The following CYP4F22 variants were observed in gnomAD, a reference collection of about 807,000 sequenced individuals.
The protein encoded by CYP4F22 is ultra-long-chain fatty acid omega-hydroxylase.
Under a neutral mutation model 60.4 loss-of-function variants are expected in CYP4F22, and 37 were observed. The observed-to-expected ratio is 0.61, with a 90% CI of 0.47 to 0.81. The LOEUF is 0.81. Among genes scored for constraint, CYP4F22 ranks in the 30% least tolerant of loss-of-function variants. The probability of loss-of-function intolerance (pLI) is 0.00; values close to 1 mark genes in which losing one functional copy is unlikely to be tolerated. For missense variants in CYP4F22, 655 were observed against 715.0 expected (o/e 0.92, Z 0.96); for synonymous variants, 258 against 280.5 (o/e 0.92, Z 0.80).
At chr19:15,513,748 C>G (rs1178153514) in intron 1 of CYP4F22, among the ~76,000 whole-genome samples, 1 of 152,086 alleles carries the variant, frequency 6.6e-6, no homozygotes, top group Non-Finnish European at 1.5e-5. Context: ...CAATCCGCAC[C>G]CCCCTCGGTC....
intron 1 of CYP4F22, among the ~76,000 whole-genome samples, chr19:15,517,876 T>C (rs1599789641): frequency 6.6e-6 from 1 of 151,868 alleles, no homozygotes; most frequent in East Asian, 1.9e-4. Flanking sequence ...GGAATGTGGA[T>C]GGAGGGAACA....
At chr19:15,522,358 C>G (rs537012326) in intron 1 of CYP4F22, among the ~76,000 whole-genome samples, 5 of 152,134 alleles carry the variant, frequency 3.3e-5, no homozygotes, top group African/African-American at 1.2e-4. Context: ...GCTGTTTTCC[C>G]AGGAAGTGTT....
intron 8 of CYP4F22, 62 bp from the exon 9 acceptor site, chr19:15,543,909 G>T: frequency 1.3e-6 from 2 of 1,568,470 alleles, no homozygotes; most frequent in South Asian, 1.1e-5. Flanking sequence ...GAGTTTTGAG[G>T]AGCCCCTAGG....
intron 10 of CYP4F22, among the ~76,000 whole-genome samples, chr19:15,546,770 A>G (rs926298959): frequency 5.9e-5 from 9 of 151,578 alleles, no homozygotes; most frequent in Non-Finnish European, 1.2e-4. Context: ...TTTTTTTGAG[A>G]TAGGCTCTCA....
chr19:15,509,793 G>A (rs1971061306), intron 1 of CYP4F22, among the ~76,000 whole-genome samples: 1 of 152,058 alleles, frequency 6.6e-6, no homozygotes, highest in Admixed American at 6.6e-5. Flanking sequence ...CGGTGACCCA[G>A]GTTGGTATCT....
intron 8 of CYP4F22, 138 bp downstream of exon 8, chr19:15,540,855 C>CT: frequency 9.1e-7 from 1 of 1,094,788 alleles, no homozygotes; most frequent in Non-Finnish European, 1.3e-6. Context: ...GAGGCCAAGG[C>CT]GGGAGGATCG....
At position 15,537,490 on chromosome 19, in the gene CYP4F22, T is replaced by A. The variant is rs368139333; in HGVS notation, c.422-45T>A. 240 of 1,614,076 alleles carry A rather than the reference T, an allele frequency of 1.5e-4. No homozygotes were observed. In the African/African-American group the frequency reaches 3.0e-3, roughly 20 times the overall value. On this transcript the variant is annotated intron_variant, in intron 5 of 13. Coordinates refer to ENST00000269703, the MANE Select transcript of CYP4F22 (RefSeq NM_173483.4). ...AGAGCATGGGGTTCCTTGGAAGGTT[T>A]CAGAGTAACAGGAGAGGTCCCTAAC...
At chr19:15,550,008 A>C (rs1971576440) in intron 12 of CYP4F22, among the ~76,000 whole-genome samples, 1 of 152,034 alleles carries the variant, frequency 6.6e-6, no homozygotes, top group African/African-American at 2.4e-5. Flanking sequence ...GGCTCACTGC[A>C]ACTTCTACCT....
intron 4 of CYP4F22, among the ~76,000 whole-genome samples, chr19:15,536,736 A>G (rs1185920168): frequency 2.0e-5 from 3 of 152,186 alleles, no homozygotes; most frequent in Non-Finnish European, 4.4e-5. Flanking sequence ...GAATAGGGTT[A>G]TCTGGTGTAT....
At chr19:15,513,579 TG>T (rs1971120041) in intron 1 of CYP4F22, among the ~76,000 whole-genome samples, 1 of 151,944 alleles carries the variant, frequency 6.6e-6, no homozygotes. Flanking sequence ...TTAGCTAGGA[TG>T]GTCTCGATCT....
Position 15,540,507 on chromosome 19 carries a change from C to T in CYP4F22, c.729C>T (p.Arg243=), listed in dbSNP as rs1971445553. 6.2e-7 allele frequency: 1 copy of T among 1,614,202 alleles called. No homozygotes were observed. The highest frequency in any genetic ancestry group is 2.2e-5 in the East Asian group (1 of 44,882). The change falls in exon 8 of 14, where the codon CGC becomes CGT. Residue 243 remains arginine (R), a synonymous_variant. Transcript: ENST00000269703. The part of the protein sequence containing the change: ...IIELSALSVR[R]QYRLHHYLDF... Reference sequence around the variant, plus strand: ...AACTGAGCGCTCTGTCTGTCCGGCGCCAGTATCGCTTGCACCACTACCTCG... The same window carrying T: ...AACTGAGCGCTCTGTCTGTCCGGCGTCAGTATCGCTTGCACCACTACCTCG...
intron 1 of CYP4F22, among the ~76,000 whole-genome samples, chr19:15,520,009 CTG>C (rs910716693): frequency 1.8e-4 from 28 of 152,132 alleles, no homozygotes; most frequent in African/African-American, 5.3e-4. Flanking sequence ...ATGTTTGTGT[CTG>C]TGTGTGTGTG....
At chr19:15,540,822 C>A in intron 8 of CYP4F22, 105 bp downstream of exon 8, 1 of 1,428,828 alleles carries the variant, frequency 7.0e-7, no homozygotes, top group Non-Finnish European at 9.7e-7. Flanking sequence ...TGGTGGCTCA[C>A]ACGTGTAATC....
At chr19:15,542,186 C>T (rs1259033340) in intron 8 of CYP4F22, among the ~76,000 whole-genome samples, 1 of 152,014 alleles carries the variant, frequency 6.6e-6, no homozygotes, top group Non-Finnish European at 1.5e-5. Context: ...ACTTTCTGTC[C>T]CTCTTTACAT....
At chr19:15,545,648 C>CA (rs1217096575) in intron 10 of CYP4F22, among the ~76,000 whole-genome samples, 919 of 38,674 alleles carry the variant, frequency 0.024, 49 homozygotes, top group African/African-American at 0.044. Flanking sequence ...GACCCTGTCT[C>CA]AAAAAAAAAA....
In CYP4F22 at chr19:15,549,180, C is replaced by T. The variant is rs762055044; in HGVS notation, c.1313C>T (p.Pro438Leu). ...AGCATCTATGGAACCCACCACAACCCCACAGTGTGGCCTGACTCCAAGGTG... is the reference window on the plus strand; with the variant it reads ...AGCATCTATGGAACCCACCACAACCTCACAGTGTGGCCTGACTCCAAGGTG... ...LVSIYGTHHN[P>L]TVWPDSKVYN... Residue 438 changes from proline (P) to leucine (L), a missense_variant, in exon 12 of 14, where the codon CCC (proline) becomes CTC (leucine). Around this residue, in one of 3 missense-constraint regions of CYP4F22, gnomAD observed 151 missense variants for 139.4 expected, o/e 1.08. Coordinates refer to ENST00000269703, the MANE Select transcript of CYP4F22 (RefSeq NM_173483.4). 6.2e-7 allele frequency: 1 copy of T among 1,614,050 alleles called. No individual in the cohort carries two copies. The highest frequency in any genetic ancestry group is 2.2e-5 in the East Asian group (1 of 44,850).
chr19:15,515,336 A>G, intron 1 of CYP4F22: 1 of 1,187,442 alleles, frequency 8.4e-7, no homozygotes, highest in Non-Finnish European at 1.2e-6. Context: ...TGGCCAGAAA[A>G]GGTTCAGCAC....
chr19:15,544,378 A>C, intron 10 of CYP4F22, 99 bp downstream of exon 10: 1 of 1,412,502 alleles, frequency 7.1e-7, no homozygotes, highest in Non-Finnish European at 9.7e-7. Context: ...ACCTCAGACA[A>C]GCCACTTTAG....
chr19:15,509,044 C>T (rs1214565868), intron 1 of CYP4F22, among the ~76,000 whole-genome samples: 1 of 152,076 alleles, frequency 6.6e-6, no homozygotes, highest in African/African-American at 2.4e-5. Context: ...GTAGTACATT[C>T]AACCGATGGG....
Sources: gnomAD v4.1 joint callset for allele counts (sites outside exome capture counted in the v4.1 genomes callset) on GRCh38, gnomAD v4.1.1 for gene constraint, gnomAD v4.1.1 regional missense constraint, MANE v1.5 for transcripts, NCBI Gene and HGNC (gene_info 2026-07-23, HGNC 2026-07-21) for gene names.